Variants in HEMK2 observed in about 807,000 individuals in gnomAD.
HEMK2 encodes methyltransferase HEMK2.
chr21:28,726,598 A>G, the HEMK2 span, among the ~76,000 whole-genome samples: 1 of 152,316 alleles, frequency 6.6e-6, no homozygotes, highest in South Asian at 2.1e-4. Flanking sequence ...AACATAGCAT[A>G]GTAGTCTACC....
the HEMK2 span, among the ~76,000 whole-genome samples, chr21:28,616,390 T>C: frequency 6.6e-6 from 1 of 152,184 alleles, no homozygotes; most frequent in Non-Finnish European, 1.5e-5. Context: ...TCCAGCAGTA[T>C]TGAGAATGAA....
At chr21:28,712,308 G>A in the HEMK2 span, among the ~76,000 whole-genome samples, 1 of 152,146 alleles carries the variant, frequency 6.6e-6, no homozygotes, top group African/African-American at 2.4e-5. Flanking sequence ...ATCTGCTTCT[G>A]GGGGAAGCCC....
chr21:28,609,313 G>A, the HEMK2 span, among the ~76,000 whole-genome samples: 1,030 of 152,206 alleles, frequency 6.8e-3, 15 homozygotes, highest in African/African-American at 0.024. Flanking sequence ...AATCACTGCA[G>A]TTCAGTTCTC....
the HEMK2 span, chr21:28,885,081 G>A: frequency 7.6e-6 from 10 of 1,313,018 alleles, no homozygotes; most frequent in Non-Finnish European, 1.0e-5. Flanking sequence ...CGTCCTGGCT[G>A]TCAATCATCT....
At chr21:28,803,510 A>T in the HEMK2 span, among the ~76,000 whole-genome samples, 1 of 152,246 alleles carries the variant, frequency 6.6e-6, no homozygotes, top group East Asian at 1.9e-4. Context: ...ATCATAGCTT[A>T]GCAGCCAGAA....
chr21:28,841,816 A>G, the HEMK2 span, among the ~76,000 whole-genome samples: 1 of 152,066 alleles, frequency 6.6e-6, no homozygotes, highest in African/African-American at 2.4e-5. Flanking sequence ...TGGAAAAATA[A>G]AAAATAAAAA....
At chr21:28,768,621 G>C in the HEMK2 span, among the ~76,000 whole-genome samples, 125 of 152,066 alleles carry the variant, frequency 8.2e-4, no homozygotes, top group African/African-American at 2.8e-3. Flanking sequence ...GCAGATCCTC[G>C]TCGGTCTCCT....
At chr21:28,730,742 G>C in the HEMK2 span, among the ~76,000 whole-genome samples, 1 of 152,126 alleles carries the variant, frequency 6.6e-6, no homozygotes, top group African/African-American at 2.4e-5. Flanking sequence ...AGAAAGAGAG[G>C]ACTGCAAGCC....
chr21:28,872,644 TGTCATCTA>T, the HEMK2 span: 2 of 152,376 alleles, frequency 1.3e-5, no homozygotes, highest in East Asian at 3.9e-4. Context: ...TCCCATGATC[TGTCATCTA>T]TAAGCTGGAG....
chr21:28,657,862 C>A, the HEMK2 span, among the ~76,000 whole-genome samples: 2 of 151,950 alleles, frequency 1.3e-5, no homozygotes, highest in African/African-American at 4.8e-5. Context: ...ATTGAAACAG[C>A]TCTTTACCCT....
At chr21:28,627,980 T>TCTG in the HEMK2 span, among the ~76,000 whole-genome samples, 249 of 152,248 alleles carry the variant, frequency 1.6e-3, 1 homozygote, top group South Asian at 1.0e-2. Flanking sequence ...TAGAGGGTAT[T>TCTG]TAAACCCCAG....
chr21:28,632,720 T>C, the HEMK2 span, among the ~76,000 whole-genome samples: 13 of 152,210 alleles, frequency 8.5e-5, no homozygotes, highest in Non-Finnish European at 2.9e-5. Context: ...GAAAACTTTA[T>C]CAGGATGGCT....
chr21:28,800,395 G>GT, the HEMK2 span, among the ~76,000 whole-genome samples: 16 of 152,040 alleles, frequency 1.1e-4, no homozygotes, highest in Non-Finnish European at 2.2e-4. Flanking sequence ...AGGAAAGGAT[G>GT]TGTAAGCTCT....
At chr21:28,692,773 G>C in the HEMK2 span, among the ~76,000 whole-genome samples, 1 of 152,204 alleles carries the variant, frequency 6.6e-6, no homozygotes, top group South Asian at 2.1e-4. Context: ...GCTGATGAAA[G>C]GATGAACAAA....
the HEMK2 span, among the ~76,000 whole-genome samples, chr21:28,821,521 C>G: frequency 6.6e-6 from 1 of 152,218 alleles, no homozygotes; most frequent in Non-Finnish European, 1.5e-5. Flanking sequence ...ATAACAATGA[C>G]TGTGTCTATA....
the HEMK2 span, chr21:28,876,506 A>G: frequency 6.3e-7 from 1 of 1,575,940 alleles, no homozygotes; most frequent in Non-Finnish European, 8.7e-7. Flanking sequence ...AATAAAAATC[A>G]AAAGGTAAAA....
chr21:28,712,243 C>A, the HEMK2 span, among the ~76,000 whole-genome samples: 1 of 152,204 alleles, frequency 6.6e-6, no homozygotes, highest in African/African-American at 2.4e-5. Context: ...CTCAAAAGCA[C>A]TTCCTGGGAT....
chr21:28,850,426 G>A, the HEMK2 span, among the ~76,000 whole-genome samples: 5 of 151,708 alleles, frequency 3.3e-5, no homozygotes, highest in South Asian at 2.1e-4. Flanking sequence ...GGGTTTCACC[G>A]TGTTAGCCAG....
At chr21:28,581,007 T>G in the HEMK2 span, among the ~76,000 whole-genome samples, 14 of 152,284 alleles carry the variant, frequency 9.2e-5, no homozygotes, top group South Asian at 2.9e-3. Flanking sequence ...AATAATGGCC[T>G]TTGTTCTGGT....
Sources: allele counts gnomAD v4.1 joint callset (sites outside exome capture counted in the v4.1 genomes callset), GRCh38; gene constraint gnomAD v4.1.1; transcripts MANE v1.5; gene names NCBI Gene and HGNC (gene_info 2026-07-23, HGNC 2026-07-21).